Variants in ACACB observed in about 807,000 individuals in gnomAD.
ACACB encodes acetyl-CoA carboxylase 2.
In ACACB, 209 loss-of-function variants were observed where a neutral mutation model predicts 278.8. The ratio of observed to expected loss-of-function variants is 0.75; its 90% CI spans 0.67 to 0.84. ACACB has a LOEUF of 0.84. Among genes scored for constraint, ACACB ranks in the 40% least tolerant of loss-of-function variants. The pLI is 0.00. For missense variants in ACACB, 2,850 were observed against 3,269.0 expected (o/e 0.87, Z 3.13); for synonymous variants, 1,174 against 1,285.6 (o/e 0.91, Z 1.86).
At chr12:109,157,060 C>G (rs143661275) in intron 2 of ACACB, among the ~76,000 whole-genome samples, 3 of 151,812 alleles carry the variant, frequency 2.0e-5, no homozygotes, top group Non-Finnish European at 4.4e-5. Flanking sequence ...AAGTCCAGGA[C>G]GTGGGGTCCC....
chr12:109,125,544 C>G (rs1171021916), intron 1 of ACACB: 2 of 152,172 alleles, frequency 1.3e-5, no homozygotes, highest in Admixed American at 6.5e-5. Context: ...AAGAGACTTT[C>G]GCAGTGGCCC....
chr12:109,206,684 C>G (rs749341794), intron 19 of ACACB, 26 bp from the exon 20 acceptor site: 14 of 1,612,398 alleles, frequency 8.7e-6, no homozygotes, highest in Non-Finnish European at 1.2e-5. Context: ...TTTTCCTGAC[C>G]TGTCGTTCTT....
rs2045335416 is a variant in ACACB at position 109,201,652 on chromosome 12, G to A, written c.2864G>A (p.Gly955Asp). 1 of 1,614,088 alleles carries A rather than the reference G, an allele frequency of 6.2e-7. No individual in the cohort carries two copies. Among genetic ancestry groups the A allele is most frequent in the Non-Finnish European group, 8.5e-7 (1 of 1,180,046 alleles). ...CGTCCAGGTGCCGTGCTGGAAGCAG[G>A]CTGCGTGGTGGCCAGGCTGGAGCTC... is the stretch of plus-strand genomic sequence containing the variant. ...IKRPGAVLEA[G>D]CVVARLELDD... Residue 955 changes from glycine (G) to aspartate (D), a missense_variant, in exon 19 of 53, where the codon GGC becomes GAC. Physicochemically the swap from Gly to Asp is moderately conservative, Grantham distance 94. This residue lies in a region of ACACB where 2,265 missense variants were observed against 2,561.3 expected (regional missense o/e 0.88). Coordinates refer to ENST00000338432, the MANE Select transcript of ACACB (RefSeq NM_001093.4).
At chr12:109,147,282 G>T (rs1211313369) in intron 2 of ACACB, among the ~76,000 whole-genome samples, 2 of 151,790 alleles carry the variant, frequency 1.3e-5, no homozygotes, top group Non-Finnish European at 2.9e-5. Context: ...CCAGGCTGGA[G>T]TGCTGTGGTG....
rs1366539512 is a variant in ACACB at position 109,191,947 on chromosome 12, A to T, written c.2396A>T (p.Glu799Val). 6.2e-7 allele frequency: 1 copy of T among 1,614,134 alleles called. No homozygotes were observed. The highest frequency in any genetic ancestry group is 1.1e-5 in the South Asian group (1 of 91,078). ...ATGACAGATTTCTTACACTCCCTGG[A>T]AAGGTAGGGGCTGTGGCAGTTCCCT... ...TCMTDFLHSL[E>V]RGQVLPADSL... The change falls in exon 15 of 53, where the codon GAA becomes GTA. Residue 799 changes from glutamate (E) to valine (V), a missense_variant. Glu to Val is a moderately radical substitution (Grantham distance 121). Transcript: ENST00000338432.
chr12:109,116,503 G>T (rs1288756694), upstream of ACACB: 1 of 152,270 alleles, frequency 6.6e-6, no homozygotes, highest in Admixed American at 6.5e-5. Context: ...GCCCCGGGTT[G>T]TTGCTGCTTT....
intron 19 of ACACB, among the ~76,000 whole-genome samples, chr12:109,202,208 A>G (rs1263900593): frequency 7.7e-6 from 1 of 130,416 alleles, no homozygotes; most frequent in African/African-American, 2.6e-5. Context: ...GTATAGTTTT[A>G]GATGTACAGA....
At chr12:109,173,990 C>T (rs1008466850) in intron 6 of ACACB, 142 bp from the exon 7 acceptor site, 4 of 611,546 alleles carry the variant, frequency 6.5e-6, no homozygotes, top group African/African-American at 1.9e-5. Flanking sequence ...TGAGGTTAAG[C>T]TCCTTGAGAG....
At chr12:109,234,935 G>GA (rs71443847) in intron 31 of ACACB, among the ~76,000 whole-genome samples, 31,058 of 150,828 alleles carry the variant, frequency 0.21, 3,409 homozygotes, top group Non-Finnish European at 0.22. Context: ...GAAGAAATAA[G>GA]AAAAAAAGTG....
Position 109,264,025 on chromosome 12 carries a change from G to A in ACACB, c.6788-207G>A, listed in dbSNP as rs1235603044. On this transcript the variant is annotated intron_variant, in intron 49 of 52. Coordinates refer to ENST00000338432, the MANE Select transcript of ACACB (RefSeq NM_001093.4). Reference sequence around the variant, plus strand: ...CAAGATGGGCCTGGGGTGGGGGCCAGGCCAGTGGACTCTGGGGGACCTAGG... The same window carrying A: ...CAAGATGGGCCTGGGGTGGGGGCCAAGCCAGTGGACTCTGGGGGACCTAGG... The A allele has an allele frequency of 5.1e-6, 3 of 593,116 alleles. No individual in the cohort carries two copies. The Admixed American group carries it at 9.0e-5, about 18-fold the overall frequency. The allele number at this position is 593,116 out of a possible 1,614,324, so 36.7% of individuals were successfully genotyped here.
chr12:109,266,534 G>T lies in ACACB; in HGVS notation c.*172G>T. On this transcript the variant is annotated 3_prime_UTR_variant, in exon 53 of 53. Coordinates refer to ENST00000338432, the MANE Select transcript of ACACB (RefSeq NM_001093.4). ...ACCCGTCTTAACAAAAGGCCCAGGA[G>T]TGCCTCTTCCAAACAAAAACAGCCT... The T allele has an allele frequency of 1.3e-6, 1 of 744,948 alleles. No homozygotes were observed. The highest frequency in any genetic ancestry group is 1.8e-5 in the African/African-American group (1 of 54,472). 46.1% of individuals were successfully genotyped at this position (744,948 alleles called of 1,614,324 possible). A position where few individuals can be genotyped will look rare whatever the true frequency, so the allele number is the denominator to read the frequency against.
In ACACB at chr12:109,253,280, G is replaced by A. The variant is rs1593711596; in HGVS notation, c.6045+122G>A. ...GAGGAGCAGGAAGCACTGCACATGT[G>A]GCTGGGGTTGATTTTTCTTACTCCT... On this transcript the variant is annotated intron_variant, in intron 43 of 52. Coordinates refer to ENST00000338432, the MANE Select transcript of ACACB (RefSeq NM_001093.4). 3.0e-5 allele frequency: 33 copies of A among 1,095,186 alleles called. No individual in the cohort carries two copies. In the East Asian group the frequency reaches 8.2e-4, roughly 27 times the overall value. 67.8% of individuals were successfully genotyped at this position (1,095,186 alleles called of 1,614,324 possible).
At chr12:109,198,070 G>T (rs2045204554) in intron 17 of ACACB, among the ~76,000 whole-genome samples, 1 of 151,906 alleles carries the variant, frequency 6.6e-6, no homozygotes, top group African/African-American at 2.4e-5. Flanking sequence ...GCTAATTTTT[G>T]TATTTTTTGT....
intron 7 of ACACB, 40 bp from the exon 8 acceptor site, chr12:109,175,891 C>T: frequency 6.3e-7 from 1 of 1,582,722 alleles, no homozygotes. Context: ...TGTGTTTCTC[C>T]TGGATTTGGG....
chr12:109,238,291 T>C (rs1258557627), intron 34 of ACACB, among the ~76,000 whole-genome samples: 2 of 148,524 alleles, frequency 1.3e-5, no homozygotes, highest in Non-Finnish European at 3.0e-5. Flanking sequence ...TCATTGTTAA[T>C]AAAGAGTGGT....
intron 27 of ACACB, 49 bp from the exon 28 acceptor site, chr12:109,227,322 A>G (rs930362673): frequency 6.5e-7 from 1 of 1,536,014 alleles, no homozygotes; most frequent in Middle Eastern, 1.7e-4. Flanking sequence ...TTTTGAGCAC[A>G]CTCTGCAGTG....
rs150669553 is a variant in ACACB, at chr12:109,237,242, C to T, written c.4524C>T (p.Phe1508=). ...TGGAACTTAACCGGATGCGTAACTT[C>T]GATCTGACCGCCGTGCCCTGTGCCA... is the stretch of plus-strand genomic sequence containing the variant. The part of the protein sequence containing the change: ...FQLELNRMRN[F]DLTAVPCANH... The change falls in exon 34 of 53, where the codon TTC becomes TTT. Residue 1508 remains phenylalanine, a synonymous_variant. Coordinates refer to ENST00000338432, the MANE Select transcript of ACACB (RefSeq NM_001093.4). 166 of 1,614,184 alleles carry T rather than the reference C, an allele frequency of 1.0e-4. 1 individual carries two copies. The East Asian group carries it at 3.0e-3, about 29-fold the overall frequency.
chr12:109,136,198 G>A (rs2042963522), intron 1 of ACACB, among the ~76,000 whole-genome samples: 1 of 152,068 alleles, frequency 6.6e-6, no homozygotes, highest in African/African-American at 2.4e-5. Context: ...CTATTCCATT[G>A]ATCTATATGT....
chr12:109,130,964 C>A (rs1321324018), intron 1 of ACACB, among the ~76,000 whole-genome samples: 1 of 152,134 alleles, frequency 6.6e-6, no homozygotes, highest in East Asian at 1.9e-4. Context: ...TCTGTCGATG[C>A]TGTTTTCCTG....
Sources: gnomAD v4.1 joint callset for allele counts (sites outside exome capture counted in the v4.1 genomes callset) on GRCh38, gnomAD v4.1.1 for gene constraint, gnomAD v4.1.1 regional missense constraint, MANE v1.5 for transcripts, NCBI Gene and HGNC (gene_info 2026-07-23, HGNC 2026-07-21) for gene names.